Variants in RHOJ observed in about 807,000 individuals in gnomAD.
RHOJ encodes ras homolog family member J, also known as rho-related GTP-binding protein RhoJ.
Under a neutral mutation model 23.4 loss-of-function variants are expected in RHOJ, and 11 were observed. The observed-to-expected ratio is 0.47, with a 90% CI of 0.30 to 0.78. RHOJ has a LOEUF of 0.78. Among genes scored for constraint, RHOJ ranks in the 30% least tolerant of loss-of-function variants. The probability of loss-of-function intolerance (pLI) is 0.08; values close to 1 mark genes in which losing one functional copy is unlikely to be tolerated. For synonymous variants in RHOJ, 102 were observed against 102.7 expected (o/e 0.99, Z 0.04); for missense variants, 254 against 273.4 (o/e 0.93, Z 0.50).
chr14:63,214,675 A>G (rs1442751730), intron 1 of RHOJ, among the ~76,000 whole-genome samples: 1 of 152,136 alleles, frequency 6.6e-6, no homozygotes, highest in Non-Finnish European at 1.5e-5. Flanking sequence ...GAATTGGGAG[A>G]GGGCTGGTGC....
intron 3 of RHOJ, among the ~76,000 whole-genome samples, chr14:63,281,465 T>A (rs1881897494): frequency 6.6e-6 from 1 of 152,028 alleles, no homozygotes; most frequent in South Asian, 2.1e-4. Flanking sequence ...TTGAACATAT[T>A]ATCTAGTATT....
At chr14:63,272,366 C>A (rs1365097408) in intron 2 of RHOJ, among the ~76,000 whole-genome samples, 4 of 152,252 alleles carry the variant, frequency 2.6e-5, no homozygotes, top group South Asian at 2.1e-4. Flanking sequence ...TTCATTTGGT[C>A]AATTACAATG....
intron 3 of RHOJ, among the ~76,000 whole-genome samples, chr14:63,282,286 G>GCA (rs36227581): frequency 0.087 from 11,614 of 133,150 alleles, 422 homozygotes; most frequent in Non-Finnish European, 0.11. Flanking sequence ...ACAAACACAT[G>GCA]CACACACACA....
intron 1 of RHOJ, among the ~76,000 whole-genome samples, chr14:63,252,669 A>G (rs1042464810): frequency 6.6e-6 from 1 of 151,902 alleles, no homozygotes; most frequent in African/African-American, 2.4e-5. Context: ...CCAATCCCCC[A>G]TACCCCTGAC....
At chr14:63,283,440 T>C (rs907283155) in intron 4 of RHOJ, among the ~76,000 whole-genome samples, 2 of 152,242 alleles carry the variant, frequency 1.3e-5, no homozygotes, top group African/African-American at 4.8e-5. Context: ...AGAAAGCAAT[T>C]TGGTGAATTT....
chr14:63,260,114 T>C (rs770949247), intron 1 of RHOJ, among the ~76,000 whole-genome samples: 18 of 152,262 alleles, frequency 1.2e-4, no homozygotes, highest in Admixed American at 8.5e-4. Flanking sequence ...TAAAGGGCTA[T>C]ATTTAGAACC....
intron 1 of RHOJ, among the ~76,000 whole-genome samples, chr14:63,226,414 T>C (rs1485783062): frequency 3.3e-5 from 5 of 151,528 alleles, no homozygotes; most frequent in African/African-American, 1.2e-4. Context: ...GTAGGTAAAA[T>C]TGGAAACATC....
intron 1 of RHOJ, among the ~76,000 whole-genome samples, chr14:63,228,616 T>C (rs1418974334): frequency 2.6e-5 from 4 of 151,818 alleles, no homozygotes; most frequent in Non-Finnish European, 5.9e-5. Context: ...ATAGTATGCT[T>C]CCATATGTGG....
At chr14:63,274,481 G>A (rs1881654783) in intron 2 of RHOJ, among the ~76,000 whole-genome samples, 1 of 152,088 alleles carries the variant, frequency 6.6e-6, no homozygotes, top group Non-Finnish European at 1.5e-5. Flanking sequence ...GCAAACATTT[G>A]GGTCTTATTA....
At chr14:63,218,528 A>T (rs1349854862) in intron 1 of RHOJ, among the ~76,000 whole-genome samples, 2 of 152,182 alleles carry the variant, frequency 1.3e-5, no homozygotes, top group African/African-American at 4.8e-5. Context: ...TTTTACTAAG[A>T]TTTAGTATGC....
intron 4 of RHOJ, among the ~76,000 whole-genome samples, chr14:63,289,477 A>G (rs1004679033): frequency 1.3e-5 from 2 of 152,158 alleles, no homozygotes; most frequent in African/African-American, 4.8e-5. Flanking sequence ...CATTTAGCCA[A>G]CCTCTTCTGA....
intron 1 of RHOJ, among the ~76,000 whole-genome samples, chr14:63,229,754 C>T (rs1894656668): frequency 5.3e-5 from 8 of 152,208 alleles, no homozygotes; most frequent in Admixed American, 5.2e-4. Context: ...CAGTCAGGTT[C>T]ATCCAGATAA....
At chr14:63,279,439 T>C (rs955943167) in intron 2 of RHOJ, among the ~76,000 whole-genome samples, 1 of 152,264 alleles carries the variant, frequency 6.6e-6, no homozygotes, top group Non-Finnish European at 1.5e-5. Context: ...AGTTACTGTC[T>C]GTTTATGTGT....
intron 1 of RHOJ, among the ~76,000 whole-genome samples, chr14:63,222,023 T>C (rs1894505758): frequency 7.4e-6 from 1 of 134,524 alleles, no homozygotes; most frequent in African/African-American, 2.8e-5. Flanking sequence ...CCTTCCTGTG[T>C]CCAAGCGTTC....
chr14:63,283,092 A>G (rs759601836), intron 3 of RHOJ, 29 bp from the exon 4 acceptor site: 38 of 1,560,356 alleles, frequency 2.4e-5, no homozygotes, highest in Admixed American at 3.3e-5. Context: ...GAGAAAACAA[A>G]TAAGTTTTCA....
chr14:63,240,391 G>A (rs899715119), intron 1 of RHOJ, among the ~76,000 whole-genome samples: 3 of 152,112 alleles, frequency 2.0e-5, no homozygotes, highest in Admixed American at 6.5e-5. Flanking sequence ...AATTTGGACC[G>A]AAATCCCACA....
At chr14:63,269,041 T>A in intron 1 of RHOJ, 69 bp from the exon 2 acceptor site, 1 of 1,093,666 alleles carries the variant, frequency 9.1e-7, no homozygotes. Flanking sequence ...ATGGAAACAA[T>A]GTGAAGGCTC....
At chr14:63,225,836 A>G (rs1894584369) in intron 1 of RHOJ, among the ~76,000 whole-genome samples, 1 of 152,208 alleles carries the variant, frequency 6.6e-6, no homozygotes, top group African/African-American at 2.4e-5. Context: ...TGTATATAAA[A>G]GAGGTTCAGA....
At chr14:63,244,532 C>T (rs1162504211) in intron 1 of RHOJ, among the ~76,000 whole-genome samples, 1 of 152,130 alleles carries the variant, frequency 6.6e-6, no homozygotes, top group African/African-American at 2.4e-5. Flanking sequence ...GAGCCGAGAT[C>T]ACGCCATTGC....
Sources: allele counts gnomAD v4.1 joint callset (sites outside exome capture counted in the v4.1 genomes callset), GRCh38; gene constraint gnomAD v4.1.1; transcripts MANE v1.5; gene names NCBI Gene and HGNC (gene_info 2026-07-23, HGNC 2026-07-21).